Variants in GALNTL6 observed in about 807,000 individuals in gnomAD.
GALNTL6 encodes polypeptide N-acetylgalactosaminyltransferase-like 6.
Under a neutral mutation model 73.7 loss-of-function variants are expected in GALNTL6, and 46 were observed. The ratio of observed to expected loss-of-function variants is 0.62; its 90% CI spans 0.49 to 0.80. The LOEUF is 0.80. Among genes scored for constraint, GALNTL6 ranks in the 30% least tolerant of loss-of-function variants. The pLI is 0.00. For missense variants in GALNTL6, 604 were observed against 755.0 expected (o/e 0.80, Z 2.34); for synonymous variants, 259 against 263.7 (o/e 0.98, Z 0.17).
intron 2 of GALNTL6, among the ~76,000 whole-genome samples, chr4:172,160,211 G>A (rs1734410375): frequency 6.6e-6 from 1 of 151,768 alleles, no homozygotes; most frequent in African/African-American, 2.4e-5. Context: ...GCTGTTACTA[G>A]GTATATTAGA....
At chr4:172,887,974 T>C (rs1745823297) in intron 8 of GALNTL6, among the ~76,000 whole-genome samples, 2 of 152,264 alleles carry the variant, frequency 1.3e-5, no homozygotes, top group Non-Finnish European at 2.9e-5. Flanking sequence ...TGTATCAATA[T>C]GTTTCTTGGC....
intron 2 of GALNTL6, among the ~76,000 whole-genome samples, chr4:171,953,379 G>A (rs1738948051): frequency 6.6e-6 from 1 of 152,028 alleles, no homozygotes; most frequent in Non-Finnish European, 1.5e-5. Flanking sequence ...TATTGGATCT[G>A]GAGTAGAAAA....
intron 7 of GALNTL6, among the ~76,000 whole-genome samples, chr4:172,816,337 T>C (rs1480398946): frequency 6.6e-6 from 1 of 152,260 alleles, no homozygotes; most frequent in Non-Finnish European, 1.5e-5. Flanking sequence ...CTGCCATTAC[T>C]TGAATTTTCA....
intron 10 of GALNTL6, among the ~76,000 whole-genome samples, chr4:172,970,535 T>C (rs1373012282): frequency 6.6e-6 from 1 of 152,216 alleles, no homozygotes; most frequent in African/African-American, 2.4e-5. Context: ...TGTCCGTGTA[T>C]AGGCTCTCTG....
At position 172,795,649 on chromosome 4, in the gene GALNTL6, T is replaced by C. The variant is rs575482851; in HGVS notation, c.554-13712T>C. On this transcript the variant is annotated intron_variant, in intron 5 of 12. Transcript: ENST00000506823. The stretch of plus-strand genomic sequence containing the variant: ...GTAATAATCACATGGAAATGGAGTA[T>C]CCATCCCCTCAAGCATTTATCCTTT... Among the ~76,000 whole-genome samples the C allele has an allele frequency of 2.0e-5, 3 of 152,250 alleles. No homozygotes were observed. The South Asian group carries it at 6.2e-4, about 32-fold the overall frequency.
intron 5 of GALNTL6, among the ~76,000 whole-genome samples, chr4:172,729,114 T>C (rs774328710): frequency 1.3e-5 from 2 of 152,114 alleles, no homozygotes; most frequent in Non-Finnish European, 2.9e-5. Context: ...ATATATTATA[T>C]ATTCTGGTTA....
Position 172,311,624 on chromosome 4 carries a change from A to C in GALNTL6, c.258A>C (p.Glu86Asp), listed in dbSNP as rs372166625. ...GTTTTCTCCTGCTAGGGAAAGGTGAACATGGGAAACCTTACCCCCTTACTG... is the reference window on the plus strand; with the variant it reads ...GTTTTCTCCTGCTAGGGAAAGGTGACCATGGGAAACCTTACCCCCTTACTG... ...QKEAMRSGKG[E>D]HGKPYPLTEE... The change falls in exon 4 of 13, where the codon GAA becomes GAC. Residue 86 changes from glutamate (E) to aspartate (D), a missense_variant. Physicochemically the swap from Glu to Asp is conservative, Grantham distance 45. This residue lies in a region of GALNTL6 where 141 missense variants were observed against 156.6 expected (regional missense o/e 0.90). Transcript: ENST00000506823. The C allele has an allele frequency of 6.2e-7, 1 of 1,602,962 alleles. No individual in the cohort carries two copies. The highest frequency in any genetic ancestry group is 1.3e-5 in the African/African-American group (1 of 74,368).
intron 2 of GALNTL6, among the ~76,000 whole-genome samples, chr4:171,879,919 A>G (rs957814077): frequency 8.8e-4 from 134 of 152,310 alleles, no homozygotes; most frequent in African/African-American, 3.0e-3. Context: ...TTGGGCAAGT[A>G]TCTTTTCATC....
chr4:172,246,465 G>A (rs1274424026), intron 3 of GALNTL6, among the ~76,000 whole-genome samples: 1 of 151,994 alleles, frequency 6.6e-6, no homozygotes, highest in Non-Finnish European at 1.5e-5. Flanking sequence ...GACATTATTG[G>A]ATTGATATTT....
intron 8 of GALNTL6, among the ~76,000 whole-genome samples, chr4:172,891,823 T>C (rs999612071): frequency 6.6e-6 from 1 of 152,210 alleles, no homozygotes. Flanking sequence ...TATTGCTGGT[T>C]TTGTTCATAT....
At chr4:172,925,029 G>A (rs1343464202) in intron 8 of GALNTL6, among the ~76,000 whole-genome samples, 13 of 151,812 alleles carry the variant, frequency 8.6e-5, no homozygotes, top group Non-Finnish European at 1.8e-4. Context: ...CTGCCACCAC[G>A]CCCGGCTAAT....
chr4:171,947,021 A>G (rs1738721898), intron 2 of GALNTL6, among the ~76,000 whole-genome samples: 1 of 152,088 alleles, frequency 6.6e-6, no homozygotes, highest in Admixed American at 6.6e-5. Flanking sequence ...TCGGGAGATG[A>G]AAAAGTGGGA....
At chr4:172,728,557 A>G (rs565201774) in intron 5 of GALNTL6, among the ~76,000 whole-genome samples, 5 of 151,808 alleles carry the variant, frequency 3.3e-5, no homozygotes, top group Admixed American at 2.6e-4. Context: ...TATATATTAC[A>G]TTTTCTTTAT....
At chr4:172,647,410 C>T (rs1463839425) in intron 5 of GALNTL6, among the ~76,000 whole-genome samples, 4 of 152,068 alleles carry the variant, frequency 2.6e-5, no homozygotes, top group African/African-American at 9.7e-5. Context: ...TAATACTCTT[C>T]TTCAATGTAT....
At chr4:172,641,343 A>G (rs542565729) in intron 5 of GALNTL6, among the ~76,000 whole-genome samples, 81 of 152,112 alleles carry the variant, frequency 5.3e-4, no homozygotes, top group Non-Finnish European at 9.7e-4. Flanking sequence ...AAAAGTCCTT[A>G]CAAGGAATTA....
chr4:172,301,023 TC>T (rs1739895756), intron 3 of GALNTL6, among the ~76,000 whole-genome samples: 1 of 152,188 alleles, frequency 6.6e-6, no homozygotes, highest in African/African-American at 2.4e-5. Context: ...GTAGATTTGG[TC>T]TTTTCACATA....
intron 7 of GALNTL6, among the ~76,000 whole-genome samples, chr4:172,843,663 G>A (rs1743338843): frequency 6.6e-6 from 1 of 152,188 alleles, no homozygotes; most frequent in Non-Finnish European, 1.5e-5. Flanking sequence ...GAGGCTTGCT[G>A]TTCCAAAACT....
At chr4:172,033,330 G>GT (rs534731710) in intron 2 of GALNTL6, among the ~76,000 whole-genome samples, 95 of 151,844 alleles carry the variant, frequency 6.3e-4, no homozygotes, top group South Asian at 4.8e-3. Flanking sequence ...AAATATCGTA[G>GT]TATTTTTTTC....
chr4:171,821,883 T>G (rs1445793958), intron 2 of GALNTL6, among the ~76,000 whole-genome samples: 1 of 152,124 alleles, frequency 6.6e-6, no homozygotes, highest in African/African-American at 2.4e-5. Flanking sequence ...ACATTTTGGA[T>G]TTCATACTTA....
Sources: allele counts gnomAD v4.1 joint callset (sites outside exome capture counted in the v4.1 genomes callset), GRCh38; gene constraint gnomAD v4.1.1; regional missense constraint gnomAD v4.1.1; transcripts MANE v1.5; gene names NCBI Gene and HGNC (gene_info 2026-07-23, HGNC 2026-07-21).